DNAJC1: variants seen among roughly 807,000 people sequenced by gnomAD.
The protein encoded by DNAJC1 is DnaJ heat shock protein family (Hsp40) member C1, also known as dnaJ homolog subfamily C member 1.
A neutral mutation model predicts 76.6 loss-of-function variants in DNAJC1; 58 were observed. The ratio of observed to expected loss-of-function variants is 0.76; its 90% CI spans 0.61 to 0.94. The LOEUF (loss-of-function observed/expected upper bound fraction) is 0.94. Ranked by LOEUF, DNAJC1 falls within the 40% of genes least tolerant of loss-of-function variation. The pLI is 0.00. For synonymous variants in DNAJC1, 258 were observed against 267.9 expected (o/e 0.96, Z 0.36); for missense variants, 689 against 677.3 (o/e 1.02, Z -0.19).
chr10:21,983,364 A>C (rs572956786), intron 1 of DNAJC1, among the ~76,000 whole-genome samples: 6 of 152,332 alleles, frequency 3.9e-5, no homozygotes, highest in South Asian at 2.1e-4. Context: ...CCAGACACAA[A>C]AGGGCAAATA....
At position 22,003,698 on chromosome 10, in the gene DNAJC1, T is replaced by A. The variant is rs555603923; in HGVS notation, c.-264A>T. 1 of 346,842 alleles carries A rather than the reference T, an allele frequency of 2.9e-6. No homozygotes were observed. Among genetic ancestry groups the A allele is most frequent in the Admixed American group, 4.8e-5 (1 of 20,638 alleles). 21.5% of individuals were successfully genotyped at this position (346,842 alleles called of 1,614,324 possible). A position where few individuals can be genotyped will look rare whatever the true frequency, so the allele number is the denominator to read the frequency against. ...TCGCCCCCAGGCCTACACACAGCTG[T>A]AGAGGCAGCGCCCGGCGCCTGGGCT... On this transcript the variant is annotated 5_prime_UTR_variant, in exon 1 of 12. Transcript: ENST00000376980.
intron 8 of DNAJC1, among the ~76,000 whole-genome samples, chr10:21,857,994 T>C (rs1835865309): frequency 6.6e-6 from 1 of 152,238 alleles, no homozygotes; most frequent in Non-Finnish European, 1.5e-5. Flanking sequence ...TACTGAATTA[T>C]ATTTGTTGTC....
chr10:21,958,460 G>A (rs1001863664), intron 1 of DNAJC1, among the ~76,000 whole-genome samples: 1 of 147,446 alleles, frequency 6.8e-6, no homozygotes, highest in African/African-American at 2.5e-5. Context: ...ACGGAGTCTC[G>A]TTCTGTTGCC....
intron 6 of DNAJC1, among the ~76,000 whole-genome samples, chr10:21,913,422 T>C (rs915753840): frequency 1.3e-5 from 2 of 152,138 alleles, no homozygotes; most frequent in Non-Finnish European, 2.9e-5. Flanking sequence ...TTGGGATATG[T>C]GGCACTTCCT....
intron 1 of DNAJC1, among the ~76,000 whole-genome samples, chr10:21,986,053 C>T (rs7916536): frequency 0.036 from 5,483 of 152,256 alleles, 156 homozygotes; most frequent in African/African-American, 0.072. Flanking sequence ...GGGTGAAACG[C>T]TGTCTCTACT....
chr10:21,798,387 A>C (rs1387037241), intron 9 of DNAJC1, among the ~76,000 whole-genome samples: 1 of 152,072 alleles, frequency 6.6e-6, no homozygotes, highest in Non-Finnish European at 1.5e-5. Context: ...AAAATCCAAA[A>C]TTTCCACCTT....
chr10:21,876,921 T>C (rs1027737486), intron 8 of DNAJC1, among the ~76,000 whole-genome samples: 1 of 152,194 alleles, frequency 6.6e-6, no homozygotes, highest in East Asian at 1.9e-4. Context: ...TTGAAATGTT[T>C]AAGTCAAATA....
At chr10:21,998,892 G>A (rs553956946) in intron 1 of DNAJC1, among the ~76,000 whole-genome samples, 1 of 152,200 alleles carries the variant, frequency 6.6e-6, no homozygotes, top group Non-Finnish European at 1.5e-5. Context: ...ATATTTAGGT[G>A]TTTACTATGT....
chr10:21,974,683 A>C (rs1327056572), intron 1 of DNAJC1, among the ~76,000 whole-genome samples: 1 of 152,160 alleles, frequency 6.6e-6, no homozygotes, highest in African/African-American at 2.4e-5. Flanking sequence ...TGTTTGGAAA[A>C]CACTGCTCTA....
chr10:21,825,030 G>A (rs1229336151), intron 8 of DNAJC1, among the ~76,000 whole-genome samples: 2 of 152,068 alleles, frequency 1.3e-5, no homozygotes, highest in Non-Finnish European at 2.9e-5. Context: ...ACCTGCCTTG[G>A]CCTCCCAAAA....
At chr10:22,001,680 G>A (rs904565180) in intron 1 of DNAJC1, among the ~76,000 whole-genome samples, 4 of 152,142 alleles carry the variant, frequency 2.6e-5, no homozygotes, top group African/African-American at 9.7e-5. Flanking sequence ...ATTTTAAACT[G>A]CTACTAAATT....
intron 1 of DNAJC1, among the ~76,000 whole-genome samples, chr10:21,999,273 G>A (rs1239176299): frequency 6.6e-6 from 1 of 152,076 alleles, no homozygotes; most frequent in South Asian, 2.1e-4. Flanking sequence ...TAATTCCAAC[G>A]GTGAAGTCTC....
chr10:21,795,527 T>C (rs72802964), intron 9 of DNAJC1, among the ~76,000 whole-genome samples: 3 of 151,884 alleles, frequency 2.0e-5, no homozygotes, highest in African/African-American at 7.3e-5. Context: ...AGAAAATAGA[T>C]CAGTGTAGCC....
At chr10:21,806,247 CTAAT>C (rs1214631268) in intron 8 of DNAJC1, 148 bp from the exon 9 acceptor site, 3 of 878,004 alleles carry the variant, frequency 3.4e-6, no homozygotes, top group Non-Finnish European at 1.7e-6. Context: ...TAAATTGTAT[CTAAT>C]AGTTTCAATA....
intron 1 of DNAJC1, among the ~76,000 whole-genome samples, chr10:21,979,909 A>T (rs147474027): frequency 6.6e-6 from 1 of 151,940 alleles, no homozygotes; most frequent in Non-Finnish European, 1.5e-5. Context: ...TCAAAACTGC[A>T]TATGTCTGCT....
rs183472376 is a variant in DNAJC1, at chr10:21,816,241, T to C, written c.979-10142A>G. On this transcript the variant is annotated intron_variant, in intron 8 of 11. Transcript: ENST00000376980. Reference sequence around the variant, plus strand: ...AAATTAGGCAGACGTGAGCCTGTAATCCCAGCTACTTGGGTGACTGAGGCA... The same window carrying C: ...AAATTAGGCAGACGTGAGCCTGTAACCCCAGCTACTTGGGTGACTGAGGCA... Among the ~76,000 whole-genome samples, 353 of 151,514 alleles carry C rather than the reference T, an allele frequency of 2.3e-3. 3 individuals carry two copies. Among genetic ancestry groups the C allele is most frequent in the African/African-American group, 8.2e-3 (339 of 41,364 alleles).
chr10:21,986,951 A>G (rs1005340376), intron 1 of DNAJC1, among the ~76,000 whole-genome samples: 2 of 152,050 alleles, frequency 1.3e-5, no homozygotes, highest in African/African-American at 2.4e-5. Flanking sequence ...TATTTTTAGT[A>G]GAGACGGGGT....
In DNAJC1 at chr10:21,851,676, T is replaced by C. The variant is rs74641567; in HGVS notation, c.978+30606A>G. Among the ~76,000 whole-genome samples, 304 of 152,212 alleles carry C rather than the reference T, an allele frequency of 2.0e-3. 2 individuals are homozygous for C. Among genetic ancestry groups the C allele is most frequent in the African/African-American group, 6.8e-3 (281 of 41,540 alleles). On this transcript the variant is annotated intron_variant, in intron 8 of 11. Coordinates refer to ENST00000376980, the MANE Select transcript of DNAJC1 (RefSeq NM_022365.4). ...TTGAAAACATAAACTCAAATAACCATACACACATTTGTAGCACCATCATTT... is the reference window on the plus strand; with the variant it reads ...TTGAAAACATAAACTCAAATAACCACACACACATTTGTAGCACCATCATTT...
intron 9 of DNAJC1, among the ~76,000 whole-genome samples, chr10:21,796,932 C>T (rs1834756427): frequency 6.6e-6 from 1 of 152,132 alleles, no homozygotes; most frequent in African/African-American, 2.4e-5. Flanking sequence ...CTTTGCTGTA[C>T]AGAAGCTTTT....
Sources: allele counts gnomAD v4.1 joint callset (sites outside exome capture counted in the v4.1 genomes callset), GRCh38; gene constraint gnomAD v4.1.1; transcripts MANE v1.5; gene names NCBI Gene and HGNC (gene_info 2026-07-23, HGNC 2026-07-21).